Variants in GFPT2 observed in about 807,000 individuals in gnomAD.
GFPT2 encodes the protein glutamine--fructose-6-phosphate aminotransferase [isomerizing] 2.
In GFPT2, 62 loss-of-function variants were observed where a neutral mutation model predicts 85.6. That is an observed-to-expected ratio of 0.72 (90% CI 0.59 to 0.90). GFPT2 has a LOEUF of 0.90. Among genes scored for constraint, GFPT2 ranks in the 40% least tolerant of loss-of-function variants. The pLI, the probability that GFPT2 is intolerant of heterozygous loss-of-function variation, is 0.00. For missense variants in GFPT2, 788 were observed against 893.4 expected (o/e 0.88, Z 1.50); for synonymous variants, 368 against 344.5 (o/e 1.07, Z -0.75).
intron 1 of GFPT2, among the ~76,000 whole-genome samples, chr5:180,349,210 G>C (rs1057432971): frequency 6.6e-6 from 1 of 152,062 alleles, no homozygotes; most frequent in Non-Finnish European, 1.5e-5. Context: ...GGGAGGCCGA[G>C]GTGGGAGGAT....
intron 7 of GFPT2, among the ~76,000 whole-genome samples, chr5:180,327,754 C>T (rs2127653078): frequency 6.6e-6 from 1 of 152,260 alleles, no homozygotes; most frequent in South Asian, 2.1e-4. Flanking sequence ...GCACTGGGGG[C>T]CCACCGTAAC....
At chr5:180,348,293 G>T (rs1764648805) in intron 1 of GFPT2, among the ~76,000 whole-genome samples, 1 of 152,248 alleles carries the variant, frequency 6.6e-6, no homozygotes, top group South Asian at 2.1e-4. Context: ...GCCTGGGCCT[G>T]CCTGTGTGTG....
intron 1 of GFPT2, among the ~76,000 whole-genome samples, chr5:180,339,797 C>T (rs1169879018): frequency 6.6e-6 from 1 of 152,260 alleles, no homozygotes; most frequent in East Asian, 1.9e-4. Flanking sequence ...GGGACACCCA[C>T]AGTCCCCACC....
At chr5:180,301,734 C>T in intron 18 of GFPT2, 126 bp from the exon 19 acceptor site, 2 of 772,918 alleles carry the variant, frequency 2.6e-6, no homozygotes, top group South Asian at 1.6e-5. Flanking sequence ...AACCTAGAGA[C>T]CTGCGTCTTG....
intron 17 of GFPT2, among the ~76,000 whole-genome samples, chr5:180,303,026 G>A (rs1247580637): frequency 6.6e-6 from 1 of 150,750 alleles, no homozygotes; most frequent in African/African-American, 2.4e-5. Context: ...TCAGGAGATC[G>A]AGACCATCCT....
At chr5:180,332,547 T>C (rs1764324349) in intron 4 of GFPT2, among the ~76,000 whole-genome samples, 1 of 152,200 alleles carries the variant, frequency 6.6e-6, no homozygotes, top group Non-Finnish European at 1.5e-5. Flanking sequence ...TTATTACCAT[T>C]ATTATTTTGA....
intron 17 of GFPT2, among the ~76,000 whole-genome samples, chr5:180,303,161 C>T (rs1246232651): frequency 5.4e-5 from 8 of 147,556 alleles, no homozygotes; most frequent in South Asian, 2.2e-4. Flanking sequence ...ACCTGGGAGG[C>T]GGAGCTTGCA....
intron 15 of GFPT2, among the ~76,000 whole-genome samples, chr5:180,308,188 G>A (rs185304811): frequency 0.013 from 1,919 of 151,918 alleles, 34 homozygotes; most frequent in African/African-American, 0.044. Flanking sequence ...CCTGGGAGGC[G>A]GAGCTTGCAG....
intron 16 of GFPT2, 109 bp from the exon 17 acceptor site, chr5:180,305,048 A>C: frequency 3.8e-6 from 3 of 794,684 alleles, no homozygotes; most frequent in Non-Finnish European, 6.3e-6. Context: ...GAAGGCAGAG[A>C]GCCAAGGGTT....
chr5:180,302,300 A>C, intron 18 of GFPT2, 123 bp downstream of exon 18: 1 of 711,932 alleles, frequency 1.4e-6, no homozygotes. Context: ...AAAAAAAAAA[A>C]GAAAGCTACT....
intron 4 of GFPT2, among the ~76,000 whole-genome samples, chr5:180,333,264 T>C (rs1354546965): frequency 6.6e-6 from 1 of 151,886 alleles, no homozygotes; most frequent in African/African-American, 2.4e-5. Context: ...AGATGGAGTC[T>C]CACTCTGTCG....
intron 7 of GFPT2, among the ~76,000 whole-genome samples, chr5:180,325,252 G>T (rs913477582): frequency 3.9e-5 from 6 of 152,184 alleles, no homozygotes; most frequent in Non-Finnish European, 8.8e-5. Context: ...GGGCACAGGG[G>T]CACTCTAGGT....
chr5:180,333,420 G>C (rs1444194259), intron 4 of GFPT2, among the ~76,000 whole-genome samples: 1 of 152,022 alleles, frequency 6.6e-6, no homozygotes, highest in Admixed American at 6.6e-5. Context: ...ATTTTTAGTA[G>C]AGATGGGGTT....
chr5:180,341,775 C>T (rs966636719), intron 1 of GFPT2, among the ~76,000 whole-genome samples: 6 of 152,180 alleles, frequency 3.9e-5, no homozygotes, highest in African/African-American at 7.2e-5. Flanking sequence ...GGCCCTTCTC[C>T]GGCAGGGCCA....
At chr5:180,353,077 G>A (rs1007967241) in intron 1 of GFPT2, 134 bp downstream of exon 1, 29 of 709,982 alleles carry the variant, frequency 4.1e-5, no homozygotes, top group Non-Finnish European at 5.6e-5. Flanking sequence ...CAGCCCCTCG[G>A]TAGGGGCCCG....
intron 6 of GFPT2, among the ~76,000 whole-genome samples, chr5:180,329,809 G>T (rs1445549199): frequency 6.6e-6 from 1 of 152,190 alleles, no homozygotes; most frequent in Non-Finnish European, 1.5e-5. Flanking sequence ...GAGAGGCCCG[G>T]ACCCCTCTCG....
intron 10 of GFPT2, among the ~76,000 whole-genome samples, chr5:180,317,502 G>A (rs1007970622): frequency 1.4e-5 from 2 of 145,276 alleles, no homozygotes; most frequent in Non-Finnish European, 2.9e-5. Flanking sequence ...GCTCACGCCT[G>A]TAATCCCAGC....
chr5:180,318,789 C>T lies in GFPT2; in HGVS notation c.958+4G>A. ...GCCGCACGTGGACTCTGGAGGACAC[C>T]TGCCTTTCATGATTTGCTGCAGTTC... On this transcript the variant is annotated splice_donor_region_variant and intron_variant, in intron 10 of 18. Transcript: ENST00000253778. This position sits in a 1 kb window ranked among gnomAD's most constrained non-coding sequence, Gnocchi z 4.2. 1 of 1,613,188 alleles carries T rather than the reference C, an allele frequency of 6.2e-7. No individual in the cohort carries two copies. The highest frequency in any genetic ancestry group is 8.5e-7 in the Non-Finnish European group (1 of 1,179,464).
chr5:180,329,959 A>G (rs1320024036), intron 6 of GFPT2, among the ~76,000 whole-genome samples: 3 of 152,134 alleles, frequency 2.0e-5, no homozygotes, highest in Admixed American at 6.5e-5. Context: ...GATGTCCCCA[A>G]TCTCTCTCCC....
Sources: allele counts gnomAD v4.1 joint callset (sites outside exome capture counted in the v4.1 genomes callset), GRCh38; gene constraint gnomAD v4.1.1; non-coding constraint Gnocchi (gnomAD v3.1); transcripts MANE v1.5; gene names NCBI Gene and HGNC (gene_info 2026-07-23, HGNC 2026-07-21).